ZKSCAN1: variants seen among roughly 807,000 people sequenced by gnomAD.
The protein encoded by ZKSCAN1 is zinc finger with KRAB and SCAN domains 1.
In ZKSCAN1, 14 loss-of-function variants were observed where a neutral mutation model predicts 51.6. The ratio of observed to expected loss-of-function variants is 0.27; its 90% CI spans 0.18 to 0.42. The LOEUF (loss-of-function observed/expected upper bound fraction) is 0.42, where lower values mean the gene tolerates loss of function less well. Among genes scored for constraint, ZKSCAN1 ranks in the 10% least tolerant of loss-of-function variants. ZKSCAN1 has a pLI of 1.00. For missense variants in ZKSCAN1, 531 were observed against 710.0 expected (o/e 0.75, Z 2.86); for synonymous variants, 263 against 261.5 (o/e 1.01, Z -0.06).
Position 100,036,185 on chromosome 7 carries a change from T to C in ZKSCAN1, c.*1988T>C. 2 of 985,260 alleles carry C rather than the reference T, an allele frequency of 2.0e-6. No homozygotes were observed. Among genetic ancestry groups the C allele is most frequent in the Non-Finnish European group, 2.4e-6 (2 of 829,876 alleles). The allele number at this position is 985,260 out of a possible 1,614,324, so 61.0% of individuals were successfully genotyped here. On this transcript the variant is annotated 3_prime_UTR_variant, in exon 6 of 6. Transcript: ENST00000324306. ...TTTATGACTTAAACCAACTACAACT[T>C]CCCTATAGCTTCTAAGCAGTTTCAT...
rs532708004 is a variant in ZKSCAN1, at chr7:100,038,181, C to T, written c.*3984C>T. The T allele has an allele frequency of 2.0e-6, 2 of 985,332 alleles. No individual in the cohort carries two copies. Among genetic ancestry groups the T allele is most frequent in the African/African-American group, 3.5e-5 (2 of 57,326 alleles). 61.0% of individuals were successfully genotyped at this position (985,332 alleles called of 1,614,324 possible). On this transcript the variant is annotated 3_prime_UTR_variant, in exon 6 of 6. Transcript: ENST00000324306. ...TATATATTTTATATGACCATAATGT[C>T]CGTGTGTGTTTTGTACCTTCAGTCC...
At chr7:100,015,982 C>A (rs1790343710) in intron 1 of ZKSCAN1, among the ~76,000 whole-genome samples, 1 of 152,198 alleles carries the variant, frequency 6.6e-6, no homozygotes, top group East Asian at 1.9e-4. Context: ...CCCGGAGACC[C>A]GGGGAGAAGC....
In ZKSCAN1 at chr7:100,038,304, C is replaced by G; in HGVS notation, c.*4107C>G. On this transcript the variant is annotated 3_prime_UTR_variant, in exon 6 of 6. Transcript: ENST00000324306. ...ACTCAGAAAAAGTGAAGTTTCAGAG[C>G]AAACAGTGAAGAAATCAGTGTGATT... 1 of 985,362 alleles carries G rather than the reference C, an allele frequency of 1.0e-6. No homozygotes were observed. The highest frequency in any genetic ancestry group is 1.2e-6 in the Non-Finnish European group (1 of 829,938). 61.0% of individuals were successfully genotyped at this position (985,362 alleles called of 1,614,324 possible).
Position 100,041,352 on chromosome 7 carries a change from A to C in ZKSCAN1, c.*7155A>C. The C allele has an allele frequency of 3.0e-6, 3 of 985,316 alleles. No individual in the cohort carries two copies. The South Asian group carries it at 1.4e-4, about 46-fold the overall frequency. 61.0% of individuals were successfully genotyped at this position (985,316 alleles called of 1,614,324 possible). A position where few individuals can be genotyped will look rare whatever the true frequency, so the allele number is the denominator to read the frequency against. On this transcript the variant is annotated 3_prime_UTR_variant, in exon 6 of 6. Coordinates refer to ENST00000324306, the MANE Select transcript of ZKSCAN1 (RefSeq NM_003439.4). Reference sequence around the variant, plus strand: ...TTTTTTAATTGAATGTGTTCATTTAAAATCCTCCTTAACATTTCTAGAAAG... The same window carrying C: ...TTTTTTAATTGAATGTGTTCATTTACAATCCTCCTTAACATTTCTAGAAAG...
rs1016784553 is a variant in ZKSCAN1, at chr7:100,041,007, T to C, written c.*6810T>C. 1.1e-5 allele frequency: 11 copies of C among 985,088 alleles called. No homozygotes were observed. The highest frequency in any genetic ancestry group is 6.2e-5 in the Admixed American group (1 of 16,250). The allele number at this position is 985,088 out of a possible 1,614,324, so 61.0% of individuals were successfully genotyped here. On this transcript the variant is annotated 3_prime_UTR_variant, in exon 6 of 6. Coordinates refer to ENST00000324306, the MANE Select transcript of ZKSCAN1 (RefSeq NM_003439.4). ...GGGTGGGATAGCCAAGCAAAATCAG[T>C]AATTATTTTAAAATGAACATATGTA... is the stretch of plus-strand genomic sequence containing the variant.
chr7:100,025,223 C>T lies in ZKSCAN1; in HGVS notation c.580+916C>T, dbSNP rs190694098. Among the ~76,000 whole-genome samples, 3 of 145,256 alleles carry T rather than the reference C, an allele frequency of 2.1e-5. No homozygotes were observed. The East Asian group carries it at 6.2e-4, about 30-fold the overall frequency. On this transcript the variant is annotated intron_variant, in intron 3 of 5. Coordinates refer to ENST00000324306, the MANE Select transcript of ZKSCAN1 (RefSeq NM_003439.4). Reference sequence around the variant, plus strand: ...ATTTTAGTATGTCATGAATTATCTTCAAAAGGATCATAAATCTTTTTTAAA... The same window carrying T: ...ATTTTAGTATGTCATGAATTATCTTTAAAAGGATCATAAATCTTTTTTAAA...
chr7:100,016,407 A>G (rs6965260), intron 1 of ZKSCAN1, among the ~76,000 whole-genome samples: 4,146 of 152,160 alleles, frequency 0.027, 185 homozygotes, highest in African/African-American at 0.095. Context: ...GGATTTTTCA[A>G]TTCTGGATAG....
chr7:100,039,336 G>A lies in ZKSCAN1; in HGVS notation c.*5139G>A. The A allele has an allele frequency of 1.0e-6, 1 of 984,960 alleles. No homozygotes were observed. The highest frequency in any genetic ancestry group is 1.2e-6 in the Non-Finnish European group (1 of 829,976). 61.0% of individuals were successfully genotyped at this position (984,960 alleles called of 1,614,324 possible). A position where few individuals can be genotyped will look rare whatever the true frequency, so the allele number is the denominator to read the frequency against. Reference sequence around the variant, plus strand: ...AAAAGAAAAAAAAAAAAGAAAGAAAGAAAGAAAATTGGGGATAGGAGAACA... The same window carrying A: ...AAAAGAAAAAAAAAAAAGAAAGAAAAAAAGAAAATTGGGGATAGGAGAACA... On this transcript the variant is annotated 3_prime_UTR_variant, in exon 6 of 6. Coordinates refer to ENST00000324306, the MANE Select transcript of ZKSCAN1 (RefSeq NM_003439.4).
At position 100,030,109 on chromosome 7, in the gene ZKSCAN1, T is replaced by A. The variant is rs142152249; in HGVS notation, c.673-140T>A. 1,259 of 1,428,452 alleles carry A rather than the reference T, an allele frequency of 8.8e-4. 6 individuals are homozygous for A. In the African/African-American group the frequency reaches 0.016, roughly 18 times the overall value. The allele number at this position is 1,428,452 out of a possible 1,614,324, so 88.5% of individuals were successfully genotyped here. The stretch of plus-strand genomic sequence containing the variant: ...AGCATCTTTCTACCACAAACTCCCC[T>A]CCACCCCCAGGTTCTGGCCACCCTT... On this transcript the variant is annotated intron_variant, in intron 4 of 5. Transcript: ENST00000324306.
At chr7:100,022,809 C>T (rs1790645713) in intron 1 of ZKSCAN1, among the ~76,000 whole-genome samples, 1 of 152,192 alleles carries the variant, frequency 6.6e-6, no homozygotes, top group Non-Finnish European at 1.5e-5. Context: ...AAGCCTGGCA[C>T]CTGGCACTCT....
Position 100,036,862 on chromosome 7 carries a change from A to G in ZKSCAN1, c.*2665A>G. On this transcript the variant is annotated 3_prime_UTR_variant, in exon 6 of 6. Transcript: ENST00000324306. The stretch of plus-strand genomic sequence containing the variant: ...TTTTTTTTCTTTCAGCCACAACTAT[A>G]TGCTGATATAACTCAGCCATCACTT... 1 of 983,998 alleles carries G rather than the reference A, an allele frequency of 1.0e-6. No individual in the cohort carries two copies. Among genetic ancestry groups the G allele is most frequent in the Non-Finnish European group, 1.2e-6 (1 of 829,720 alleles). 61.0% of individuals were successfully genotyped at this position (983,998 alleles called of 1,614,324 possible).
chr7:100,040,936 T>G lies in ZKSCAN1; in HGVS notation c.*6739T>G, dbSNP rs1791569208. 3 of 985,252 alleles carry G rather than the reference T, an allele frequency of 3.0e-6. No individual in the cohort carries two copies. In the South Asian group the frequency reaches 1.4e-4, roughly 46 times the overall value. The allele number at this position is 985,252 out of a possible 1,614,324, so 61.0% of individuals were successfully genotyped here. A position where few individuals can be genotyped will look rare whatever the true frequency, so the allele number is the denominator to read the frequency against. ...GGGGTGGGAGGAGACAGGTTGTGGTTATGCAGGAAAATCTTGTCCTAAAAA... is the reference window on the plus strand; with the variant it reads ...GGGGTGGGAGGAGACAGGTTGTGGTGATGCAGGAAAATCTTGTCCTAAAAA... On this transcript the variant is annotated 3_prime_UTR_variant, in exon 6 of 6. Coordinates refer to ENST00000324306, the MANE Select transcript of ZKSCAN1 (RefSeq NM_003439.4).
At chr7:100,017,809 C>T (rs955614823) in intron 1 of ZKSCAN1, among the ~76,000 whole-genome samples, 1 of 152,138 alleles carries the variant, frequency 6.6e-6, no homozygotes, top group Non-Finnish European at 1.5e-5. Context: ...AGTTAAATAC[C>T]TCTCTCAGGG....
chr7:100,041,298 T>C lies in ZKSCAN1; in HGVS notation c.*7101T>C. On this transcript the variant is annotated 3_prime_UTR_variant, in exon 6 of 6. Coordinates refer to ENST00000324306, the MANE Select transcript of ZKSCAN1 (RefSeq NM_003439.4). ...TTTACTAGGTTCCGAAGAGTCCAGA[T>C]GCTTGGTAGATGTTCAATACGTGAT... The C allele has an allele frequency of 5.1e-6, 5 of 984,990 alleles. No homozygotes were observed. Among genetic ancestry groups the C allele is most frequent in the Non-Finnish European group, 6.0e-6 (5 of 829,528 alleles). 61.0% of individuals were successfully genotyped at this position (984,990 alleles called of 1,614,324 possible). A position where few individuals can be genotyped will look rare whatever the true frequency, so the allele number is the denominator to read the frequency against.
rs1028211854 is a variant in ZKSCAN1 at position 100,039,260 on chromosome 7, C to T, written c.*5063C>T. 30 of 949,008 alleles carry T rather than the reference C, an allele frequency of 3.2e-5. No individual in the cohort carries two copies. The highest frequency in any genetic ancestry group is 1.2e-4 in the Admixed American group (2 of 16,060). The allele number at this position is 949,008 out of a possible 1,614,324, so 58.8% of individuals were successfully genotyped here. On this transcript the variant is annotated 3_prime_UTR_variant, in exon 6 of 6. Transcript: ENST00000324306. Reference sequence around the variant, plus strand: ...CTGGGAGGCAGAGGTTGCAGTGAGCCGAGATTGCACCACTGCACTCCAGCC... The same window carrying T: ...CTGGGAGGCAGAGGTTGCAGTGAGCTGAGATTGCACCACTGCACTCCAGCC...
intron 1 of ZKSCAN1, among the ~76,000 whole-genome samples, chr7:100,022,735 A>C (rs777497717): frequency 6.6e-6 from 1 of 152,208 alleles, no homozygotes; most frequent in Non-Finnish European, 1.5e-5. Context: ...AACAGCACTT[A>C]ACAGTTTGGC....
At position 100,039,975 on chromosome 7, in the gene ZKSCAN1, A is replaced by G. The variant is rs1249763658; in HGVS notation, c.*5778A>G. On this transcript the variant is annotated 3_prime_UTR_variant, in exon 6 of 6. Transcript: ENST00000324306. ...GCATTATTTGAAAAGTTTTTCTAAC[A>G]TAGATTTAGGGTTTTTTTTTTTAGA... 3.1e-6 allele frequency: 3 copies of G among 957,346 alleles called. No homozygotes were observed. The highest frequency in any genetic ancestry group is 2.5e-6 in the Non-Finnish European group (2 of 804,468). 59.3% of individuals were successfully genotyped at this position (957,346 alleles called of 1,614,324 possible). A position where few individuals can be genotyped will look rare whatever the true frequency, so the allele number is the denominator to read the frequency against.
In ZKSCAN1 at chr7:100,038,448, G is replaced by A. The variant is rs975059202; in HGVS notation, c.*4251G>A. On this transcript the variant is annotated 3_prime_UTR_variant, in exon 6 of 6. Transcript: ENST00000324306. Reference sequence around the variant, plus strand: ...TTTCTGAGGAAAGACAGGCTAATGGGGCACTGAAATGGAACAACTCCTTTA... The same window carrying A: ...TTTCTGAGGAAAGACAGGCTAATGGAGCACTGAAATGGAACAACTCCTTTA... The A allele has an allele frequency of 2.0e-6, 2 of 985,372 alleles. No individual in the cohort carries two copies. The allele number at this position is 985,372 out of a possible 1,614,324, so 61.0% of individuals were successfully genotyped here. A position where few individuals can be genotyped will look rare whatever the true frequency, so the allele number is the denominator to read the frequency against.
chr7:100,018,444 AC>A (rs1439437322), intron 1 of ZKSCAN1, among the ~76,000 whole-genome samples: 12 of 150,886 alleles, frequency 8.0e-5, no homozygotes, highest in Non-Finnish European at 1.5e-4. Context: ...TCGCTCTGTC[AC>A]CCAGGCTGGA....
Sources: allele counts gnomAD v4.1 joint callset (sites outside exome capture counted in the v4.1 genomes callset), GRCh38; gene constraint gnomAD v4.1.1; transcripts MANE v1.5; gene names NCBI Gene and HGNC (gene_info 2026-07-23, HGNC 2026-07-21).